MTREX: variants seen among roughly 807,000 people sequenced by gnomAD.
MTREX encodes exosome RNA helicase MTR4.
MTREX carries 76 observed loss-of-function variants against 135.4 expected under a neutral mutation model. The observed-to-expected ratio is 0.56, with a 90% CI of 0.47 to 0.68. The LOEUF is 0.68. Among genes scored for constraint, MTREX ranks in the 30% least tolerant of loss-of-function variants. The probability of loss-of-function intolerance (pLI) is 0.00; values close to 1 mark genes in which losing one functional copy is unlikely to be tolerated. For synonymous variants in MTREX, 404 were observed against 401.6 expected (o/e 1.01, Z -0.07); for missense variants, 920 against 1,262.1 (o/e 0.73, Z 4.11).
At chr5:55,416,479 C>T (rs566703812) in intron 25 of MTREX, among the ~76,000 whole-genome samples, 17 of 152,072 alleles carry the variant, frequency 1.1e-4, no homozygotes, top group African/African-American at 4.1e-4. Context: ...TATAATTCCA[C>T]TAAAAATAGC....
chr5:55,308,024 C>T lies in MTREX; in HGVS notation c.11C>T (p.Ala4Val), dbSNP rs749425059. 5.0e-6 allele frequency: 8 copies of T among 1,614,092 alleles called. No individual in the cohort carries two copies. The South Asian group carries it at 6.6e-5, about 13-fold the overall frequency. Residue 4 changes from alanine to valine, a missense_variant, in exon 1 of 27, where the codon GCA (alanine) becomes GTA (valine). Transcript: ENST00000230640. MAD[A>V]FGDELFSVFE... ...TCACTGCTCCCAAAAATGGCGGACGCATTCGGAGATGAGCTGTTCAGCGTG... is the reference window on the plus strand; with the variant it reads ...TCACTGCTCCCAAAAATGGCGGACGTATTCGGAGATGAGCTGTTCAGCGTG...
At chr5:55,368,293 AC>A (rs1463492931) in intron 16 of MTREX, among the ~76,000 whole-genome samples, 8 of 151,978 alleles carry the variant, frequency 5.3e-5, no homozygotes, top group Non-Finnish European at 1.0e-4. Context: ...TACTAAAAAT[AC>A]AAAAAAATTA....
At chr5:55,381,999 T>A (rs1002743024) in intron 18 of MTREX, among the ~76,000 whole-genome samples, 8 of 152,206 alleles carry the variant, frequency 5.3e-5, no homozygotes, top group African/African-American at 1.4e-4. Flanking sequence ...TTGCATAATA[T>A]TTTTTCCCAT....
chr5:55,371,528 A>G (rs1005397061), intron 16 of MTREX, among the ~76,000 whole-genome samples: 2 of 152,162 alleles, frequency 1.3e-5, no homozygotes, highest in Non-Finnish European at 2.9e-5. Flanking sequence ...AGGCTTTCCT[A>G]TGGCAATGAC....
At chr5:55,353,573 T>C (rs1359641178) in intron 14 of MTREX, among the ~76,000 whole-genome samples, 1 of 152,162 alleles carries the variant, frequency 6.6e-6, no homozygotes, top group African/African-American at 2.4e-5. Context: ...AGTGGTGATG[T>C]GCACCTGTAG....
At position 55,358,562 on chromosome 5, in the gene MTREX, T is replaced by C. The variant is rs761694911; in HGVS notation, c.1534-11T>C. ...TTTCCTAAACTCTGAATTTTAACTA[T>C]GTTCATTCAGATTTCTTCTGGTGAA... On this transcript the variant is annotated splice_polypyrimidine_tract_variant and intron_variant, in intron 14 of 26. Coordinates refer to ENST00000230640, the MANE Select transcript of MTREX (RefSeq NM_015360.5). 1 of 1,584,256 alleles carries C rather than the reference T, an allele frequency of 6.3e-7. No homozygotes were observed. Among genetic ancestry groups the C allele is most frequent in the Non-Finnish European group, 8.5e-7 (1 of 1,172,396 alleles).
chr5:55,404,914 C>A (rs905183988), intron 21 of MTREX, among the ~76,000 whole-genome samples: 12 of 151,912 alleles, frequency 7.9e-5, no homozygotes, highest in Middle Eastern at 6.8e-3. Flanking sequence ...AGCAATTCTC[C>A]TGCCTCAGCC....
chr5:55,350,882 ACAT>A (rs774570608), intron 12 of MTREX, 34 bp from the exon 13 acceptor site: 1 of 1,456,968 alleles, frequency 6.9e-7, no homozygotes, highest in Non-Finnish European at 9.4e-7. Flanking sequence ...TCCTTTTCTC[ACAT>A]CATTATAAAA....
intron 24 of MTREX, among the ~76,000 whole-genome samples, chr5:55,415,008 C>T (rs114391485): frequency 8.0e-4 from 121 of 151,676 alleles, no homozygotes; most frequent in Non-Finnish European, 1.2e-3. Flanking sequence ...TCCTCAAAGC[C>T]ACAGTAGTTT....
At chr5:55,344,660 A>G in intron 9 of MTREX, 40 bp downstream of exon 9, 1 of 1,151,938 alleles carries the variant, frequency 8.7e-7, no homozygotes, top group Non-Finnish European at 1.3e-6. Flanking sequence ...ATAATGTCAT[A>G]CTTTATTATT....
Position 55,345,312 on chromosome 5 carries a change from G to A in MTREX, c.1108+116G>A. ...AGCTATGTAAAGGTCTAGACGATATGTGATAAAATTGGATAAATATTTATC... is the reference window on the plus strand; with the variant it reads ...AGCTATGTAAAGGTCTAGACGATATATGATAAAATTGGATAAATATTTATC... On this transcript the variant is annotated intron_variant, in intron 10 of 26. Coordinates refer to ENST00000230640, the MANE Select transcript of MTREX (RefSeq NM_015360.5). 4 of 675,326 alleles carry A rather than the reference G, an allele frequency of 5.9e-6. No homozygotes were observed. In the South Asian group the frequency reaches 7.2e-5, roughly 12 times the overall value. The allele number at this position is 675,326 out of a possible 1,614,324, so 41.8% of individuals were successfully genotyped here. A position where few individuals can be genotyped will look rare whatever the true frequency, so the allele number is the denominator to read the frequency against.
At chr5:55,361,758 C>CT (rs34068588) in intron 15 of MTREX, among the ~76,000 whole-genome samples, 72 of 143,924 alleles carry the variant, frequency 5.0e-4, no homozygotes, top group South Asian at 8.9e-4. Context: ...GCATCCAGCC[C>CT]TTTTTTTTTT....
At chr5:55,325,086 CTA>C (rs1749351701) in intron 3 of MTREX, among the ~76,000 whole-genome samples, 1 of 152,130 alleles carries the variant, frequency 6.6e-6, no homozygotes, top group South Asian at 2.1e-4. Context: ...AACTATAACA[CTA>C]TTTCCTTCTC....
chr5:55,408,687 GTTTC>G (rs1226815832), intron 22 of MTREX, among the ~76,000 whole-genome samples: 1 of 151,964 alleles, frequency 6.6e-6, no homozygotes, highest in Non-Finnish European at 1.5e-5. Context: ...TCTTTGTAGT[GTTTC>G]TTTTTTAGCT....
chr5:55,373,120 CT>C lies in MTREX; in HGVS notation c.1811-5183del, dbSNP rs541949136. ...TTTATTTTTATTTTTATTTTTATTT[CT>C]TTTTTTTTTTGGTCTTTTTGTCTTA... On this transcript the variant is annotated intron_variant, in intron 16 of 26. Transcript: ENST00000230640. 9.9e-3 allele frequency among the ~76,000 whole-genome samples: 1,326 copies of C among 134,384 alleles called. 15 individuals are homozygous for C. Among genetic ancestry groups the C allele is most frequent in the African/African-American group, 0.032 (1,177 of 36,944 alleles). 88.2% of individuals were successfully genotyped at this position (134,384 alleles called of 152,430 possible). A position where few individuals can be genotyped will look rare whatever the true frequency, so the allele number is the denominator to read the frequency against.
intron 16 of MTREX, among the ~76,000 whole-genome samples, chr5:55,367,451 A>G (rs1750123304): frequency 1.3e-5 from 2 of 149,626 alleles, no homozygotes; most frequent in East Asian, 2.0e-4. Flanking sequence ...GCACCACTGC[A>G]CTCCAGCGTG....
chr5:55,365,001 G>A (rs967711290), intron 15 of MTREX, among the ~76,000 whole-genome samples: 8 of 152,220 alleles, frequency 5.3e-5, no homozygotes, highest in African/African-American at 1.7e-4. Flanking sequence ...CACTGGTACA[G>A]CAGGTGTAAG....
At chr5:55,322,237 C>T (rs569647665) in intron 1 of MTREX, 90 bp from the exon 2 acceptor site, 1 of 1,053,432 alleles carries the variant, frequency 9.5e-7, no homozygotes, top group African/African-American at 1.6e-5. Context: ...ACATGACTTT[C>T]TGTTAATGGT....
chr5:55,390,666 G>A (rs761321466), intron 19 of MTREX, among the ~76,000 whole-genome samples: 13 of 152,172 alleles, frequency 8.5e-5, no homozygotes, highest in South Asian at 4.1e-4. Flanking sequence ...GAGACTCAGC[G>A]TCAGGGAGTG....
Sources: gnomAD v4.1 joint callset for allele counts (sites outside exome capture counted in the v4.1 genomes callset) on GRCh38, gnomAD v4.1.1 for gene constraint, MANE v1.5 for transcripts, NCBI Gene and HGNC (gene_info 2026-07-23, HGNC 2026-07-21) for gene names.